The following STX8 variants were observed in gnomAD, a reference collection of about 807,000 sequenced individuals.
STX8 encodes the protein syntaxin 8, also known as syntaxin-8.
STX8 carries 23 observed loss-of-function variants against 37.5 expected under a neutral mutation model. That is an observed-to-expected ratio of 0.61 (90% CI 0.44 to 0.87). STX8 has a LOEUF of 0.87. Among genes scored for constraint, STX8 ranks in the 40% least tolerant of loss-of-function variants. The pLI is 0.00. For synonymous variants in STX8, 115 were observed against 99.1 expected (o/e 1.16, Z -0.95); for missense variants, 313 against 284.7 (o/e 1.10, Z -0.71).
intron 6 of STX8, among the ~76,000 whole-genome samples, chr17:9,449,010 A>G (rs960802802): frequency 6.6e-6 from 1 of 152,220 alleles, no homozygotes; most frequent in African/African-American, 2.4e-5. Flanking sequence ...AAGTGCTGAC[A>G]AGAATAAGGT....
At chr17:9,263,986 G>A (rs1287163022) in intron 7 of STX8, among the ~76,000 whole-genome samples, 3 of 152,184 alleles carry the variant, frequency 2.0e-5, no homozygotes, top group Non-Finnish European at 4.4e-5. Flanking sequence ...GGGTCATAAA[G>A]ATTACACACC....
chr17:9,362,678 C>T (rs141797867), intron 7 of STX8, among the ~76,000 whole-genome samples: 26 of 151,774 alleles, frequency 1.7e-4, no homozygotes, highest in Non-Finnish European at 3.5e-4. Context: ...AAAAGTTAGC[C>T]AGGCGTGGTG....
intron 2 of STX8, among the ~76,000 whole-genome samples, chr17:9,558,146 T>C (rs1164521174): frequency 6.6e-6 from 1 of 152,146 alleles, no homozygotes; most frequent in Admixed American, 6.5e-5. Flanking sequence ...CTCTAACCTG[T>C]TACATTAAAG....
At chr17:9,353,731 G>C (rs2113557) in intron 7 of STX8, among the ~76,000 whole-genome samples, 2 of 152,054 alleles carry the variant, frequency 1.3e-5, no homozygotes, top group Non-Finnish European at 2.9e-5. Flanking sequence ...CTAAGGGTGC[G>C]TAAAGTATAT....
chr17:9,554,946 A>C (rs116108342), intron 3 of STX8: 1,945 of 152,370 alleles, frequency 0.013, 46 homozygotes, highest in African/African-American at 0.044. Context: ...CTGAAAATAA[A>C]CAGGTTTATG....
intron 6 of STX8, among the ~76,000 whole-genome samples, chr17:9,408,472 A>G (rs1912871475): frequency 6.6e-6 from 1 of 152,222 alleles, no homozygotes; most frequent in South Asian, 2.1e-4. Context: ...TCAGTCTTTC[A>G]AGAGCTTTCA....
chr17:9,276,211 A>G (rs1254007315), intron 7 of STX8, among the ~76,000 whole-genome samples: 1 of 152,236 alleles, frequency 6.6e-6, no homozygotes, highest in East Asian at 1.9e-4. Context: ...CATGCAACTG[A>G]GCTGGATAAG....
intron 7 of STX8, among the ~76,000 whole-genome samples, chr17:9,259,523 C>T (rs926934888): frequency 4.6e-5 from 7 of 152,128 alleles, no homozygotes; most frequent in South Asian, 2.1e-4. Context: ...CGAGGCCCGG[C>T]GGTGATGAGG....
At chr17:9,349,362 C>A (rs1597618577) in intron 7 of STX8, among the ~76,000 whole-genome samples, 1 of 109,434 alleles carries the variant, frequency 9.1e-6, no homozygotes, top group East Asian at 2.4e-4. Flanking sequence ...CTCTTGTTGT[C>A]CAGGCTAGAG....
intron 7 of STX8, among the ~76,000 whole-genome samples, chr17:9,290,316 T>TGTGCCTTA (rs11281796): frequency 0.54 from 81,318 of 151,354 alleles, 22,372 homozygotes; most frequent in African/African-American, 0.64. Context: ...TGCATGCCAC[T>TGTGCCTTA]GTGTGTGGAT....
chr17:9,538,206 G>C (rs1906135818), intron 4 of STX8, among the ~76,000 whole-genome samples: 2 of 152,146 alleles, frequency 1.3e-5, no homozygotes, highest in African/African-American at 4.8e-5. Flanking sequence ...GCACACCCTT[G>C]CACATCAGAA....
At chr17:9,550,761 C>T (rs1204821172) in intron 3 of STX8, among the ~76,000 whole-genome samples, 1 of 152,094 alleles carries the variant, frequency 6.6e-6, no homozygotes, top group Non-Finnish European at 1.5e-5. Context: ...CCTGGATTTT[C>T]TCTTATATTT....
chr17:9,383,021 T>A (rs1911873462), intron 6 of STX8, among the ~76,000 whole-genome samples: 1 of 152,122 alleles, frequency 6.6e-6, no homozygotes, highest in Admixed American at 6.6e-5. Flanking sequence ...TGCATGAGAT[T>A]TATGACCTTA....
At chr17:9,391,408 T>C (rs909534984) in intron 6 of STX8, among the ~76,000 whole-genome samples, 2 of 151,738 alleles carry the variant, frequency 1.3e-5, no homozygotes, top group African/African-American at 4.8e-5. Flanking sequence ...GCGGAGATCA[T>C]GCCATTGCAC....
intron 7 of STX8, among the ~76,000 whole-genome samples, chr17:9,344,554 C>T (rs1910472813): frequency 6.6e-6 from 1 of 152,204 alleles, no homozygotes; most frequent in Non-Finnish European, 1.5e-5. Context: ...AGCCACCAAA[C>T]CTCTTCCTTT....
At chr17:9,324,405 A>T (rs1909688414) in intron 7 of STX8, among the ~76,000 whole-genome samples, 1 of 152,072 alleles carries the variant, frequency 6.6e-6, no homozygotes. Context: ...GGGGATGCTG[A>T]CAGTTCTCCA....
rs112803120 is a variant in STX8 at position 9,374,619 on chromosome 17, A to G, written c.643+3933T>C. Among the ~76,000 whole-genome samples the G allele has an allele frequency of 4.6e-5, 7 of 152,300 alleles. 2 individuals carry two copies. Among genetic ancestry groups the G allele is most frequent in the African/African-American group, 1.7e-4 (7 of 41,568 alleles). On this transcript the variant is annotated intron_variant, in intron 7 of 7. Transcript: ENST00000306357. ...GCATGTCAACAAATGCATATATAAA[A>G]TGCAAAAATTGTCCTGTAAAGGTAT...
At chr17:9,396,835 C>A (rs1912422887) in intron 6 of STX8, among the ~76,000 whole-genome samples, 1 of 151,050 alleles carries the variant, frequency 6.6e-6, no homozygotes, top group Non-Finnish European at 1.5e-5. Context: ...ATTAAAAAAA[C>A]AATCATTTAG....
intron 7 of STX8, among the ~76,000 whole-genome samples, chr17:9,351,176 CTTTTTTTTTTTT>C (rs71135970): frequency 1.0e-5 from 1 of 99,814 alleles, no homozygotes; most frequent in Non-Finnish European, 1.9e-5. Flanking sequence ...ATTTCCTTGT[CTTTTTTTTTTTT>C]TTTTTTTTTT....
Sources: allele counts gnomAD v4.1 joint callset (sites outside exome capture counted in the v4.1 genomes callset), GRCh38; gene constraint gnomAD v4.1.1; transcripts MANE v1.5; gene names NCBI Gene and HGNC (gene_info 2026-07-23, HGNC 2026-07-21).